TBC1D20: variants seen among roughly 807,000 people sequenced by gnomAD.
TBC1D20 encodes TBC1 domain family member 20.
A neutral mutation model predicts 41.6 loss-of-function variants in TBC1D20; 12 were observed. The ratio of observed to expected loss-of-function variants is 0.29; its 90% CI spans 0.18 to 0.47. The LOEUF (loss-of-function observed/expected upper bound fraction) is 0.47. TBC1D20 is among the 20% of genes least tolerant of loss of function. TBC1D20 has a pLI of 1.00. For missense variants in TBC1D20, 421 were observed against 517.4 expected, an observed-to-expected ratio of 0.81 and a Z score of 1.81; for synonymous variants, 205 against 204.8, an observed-to-expected ratio of 1.00 and a Z score of -0.01.
intron 1 of TBC1D20, among the ~76,000 whole-genome samples, chr20:452,141 T>C (rs928181509): frequency 6.6e-6 from 1 of 152,092 alleles, no homozygotes; most frequent in African/African-American, 2.4e-5. Context: ...ACCCCGTCTC[T>C]ACTAAAAATA....
intron 3 of TBC1D20, among the ~76,000 whole-genome samples, chr20:443,422 T>C (rs2017274903): frequency 6.6e-6 from 1 of 152,132 alleles, no homozygotes; most frequent in Non-Finnish European, 1.5e-5. Flanking sequence ...GTTAGAAGAA[T>C]GGCACATGCA....
In TBC1D20 at chr20:453,085, G is replaced by A. The variant is rs2017473129; in HGVS notation, c.71-5011C>T. On this transcript the variant is annotated intron_variant, in intron 1 of 7. Coordinates refer to ENST00000354200, the MANE Select transcript of TBC1D20 (RefSeq NM_144628.4). ...CGCTTGAACCCAGGGGGCGGAGATTGAGGTAAGCTGAGATTGCAGATCGCG... is the reference window on the plus strand; with the variant it reads ...CGCTTGAACCCAGGGGGCGGAGATTAAGGTAAGCTGAGATTGCAGATCGCG... 2.8e-5 allele frequency among the ~76,000 whole-genome samples: 4 copies of A among 144,982 alleles called. No individual in the cohort carries two copies. In the Admixed American group the frequency reaches 2.8e-4, roughly 10 times the overall value.
intron 7 of TBC1D20, 93 bp from the exon 8 acceptor site, chr20:438,934 T>C (rs1446996714): frequency 2.9e-5 from 44 of 1,525,342 alleles, no homozygotes; most frequent in Non-Finnish European, 3.3e-5. Context: ...GAGCCTTTCA[T>C]TGCTGGGAAA....
At chr20:448,449 G>C (rs946381835) in intron 1 of TBC1D20, among the ~76,000 whole-genome samples, 2 of 152,100 alleles carry the variant, frequency 1.3e-5, no homozygotes, top group African/African-American at 4.8e-5. Context: ...CCAGCACTTT[G>C]GGAGGCCGAG....
At chr20:450,055 G>A (rs775797004) in intron 1 of TBC1D20, among the ~76,000 whole-genome samples, 1 of 151,948 alleles carries the variant, frequency 6.6e-6, no homozygotes, top group Non-Finnish European at 1.5e-5. Flanking sequence ...AAAAATGCAT[G>A]TCACCAAAAC....
intron 2 of TBC1D20, 139 bp downstream of exon 2, chr20:447,750 G>C (rs2017363224): frequency 5.3e-6 from 3 of 571,292 alleles, no homozygotes; most frequent in Admixed American, 7.1e-5. Context: ...TTCAGAGTGG[G>C]CCCAAGCATT....
intron 1 of TBC1D20, among the ~76,000 whole-genome samples, chr20:456,096 A>G (rs1318111903): frequency 2.0e-5 from 3 of 152,158 alleles, no homozygotes; most frequent in Non-Finnish European, 2.9e-5. Flanking sequence ...AGCCTGCACA[A>G]CATGGCAAAA....
At position 453,540 on chromosome 20, in the gene TBC1D20, A is replaced by ATTT. The variant is rs1157479385; in HGVS notation, c.71-5469_71-5467dup. ...CGGTGGCTCGTGCCTGTAATCCAGC[A>ATTT]TTTTTTTTTTTTTTTTTTTTTTTGA... is the stretch of plus-strand genomic sequence containing the variant. On this transcript the variant is annotated intron_variant, in intron 1 of 7. Coordinates refer to ENST00000354200, the MANE Select transcript of TBC1D20 (RefSeq NM_144628.4). 2.2e-4 allele frequency among the ~76,000 whole-genome samples: 23 copies of ATTT among 105,800 alleles called. 1 individual carries two copies. The highest frequency in any genetic ancestry group is 3.4e-4 in the South Asian group (1 of 2,920). The allele number at this position is 105,800 out of a possible 152,430, so 69.4% of individuals were successfully genotyped here. A position where few individuals can be genotyped will look rare whatever the true frequency, so the allele number is the denominator to read the frequency against.
At chr20:451,053 C>T (rs561380454) in intron 1 of TBC1D20, among the ~76,000 whole-genome samples, 2 of 152,230 alleles carry the variant, frequency 1.3e-5, no homozygotes, top group African/African-American at 4.8e-5. Context: ...CAACACCAAA[C>T]GTCACAAGGC....
intron 3 of TBC1D20, 42 bp downstream of exon 3, chr20:445,002 AACAGAT>A: frequency 1.3e-6 from 2 of 1,532,224 alleles, no homozygotes; most frequent in Non-Finnish European, 1.8e-6. Context: ...TATGACCTGG[AACAGAT>A]ACAGTCTTTC....
chr20:452,226 G>C (rs577314375), intron 1 of TBC1D20, among the ~76,000 whole-genome samples: 3 of 152,306 alleles, frequency 2.0e-5, no homozygotes, highest in Non-Finnish European at 4.4e-5. Flanking sequence ...AGAATTGCTT[G>C]AACCCCGGTG....
At chr20:458,349 T>A (rs910420565) in intron 1 of TBC1D20, among the ~76,000 whole-genome samples, 3 of 151,592 alleles carry the variant, frequency 2.0e-5, no homozygotes, top group African/African-American at 7.3e-5. Flanking sequence ...GGTCTTACTC[T>A]GTCACCCAGG....
rs374303724 is a variant in TBC1D20, at chr20:439,130, C to T, written c.934G>A (p.Ala312Thr). ...FPPSELAREAAAQQQAERTAA... is the reference protein window; with the variant it reads ...FPPSELAREATAQQQAERTAA... ...CACCTCTCAGCTTGCTGTTGGGCAG[C>T]GGCCTCCCGAGCAAGTTCGGATGGG... Residue 312 changes from alanine (A) to threonine (T), a missense_variant, in exon 7 of 8, where the codon GCT (alanine) becomes ACT (threonine). Ala to Thr is a moderately conservative substitution (Grantham distance 58). Transcript: ENST00000354200. The surrounding 1 kb of genome is among the most constrained non-coding windows in gnomAD (Gnocchi z 4.6). 96 of 1,612,650 alleles carry T rather than the reference C, an allele frequency of 6.0e-5. No homozygotes were observed. The highest frequency in any genetic ancestry group is 3.3e-4 in the Middle Eastern group (2 of 6,076).
intron 1 of TBC1D20, among the ~76,000 whole-genome samples, 172 bp downstream of exon 1, chr20:462,164 C>A (rs1388197568): frequency 3.3e-5 from 5 of 152,090 alleles, no homozygotes; most frequent in African/African-American, 1.2e-4. Context: ...GTTCCAGGCC[C>A]TCTCCTCATC....
intron 7 of TBC1D20, 113 bp from the exon 8 acceptor site, chr20:438,954 G>T: frequency 6.8e-7 from 1 of 1,480,324 alleles, no homozygotes; most frequent in Non-Finnish European, 9.1e-7. Context: ...AGCTCTTTAT[G>T]ATAAAGACCC....
intron 2 of TBC1D20, among the ~76,000 whole-genome samples, chr20:447,232 T>C (rs1411967073): frequency 1.3e-5 from 2 of 150,308 alleles, no homozygotes. Context: ...AGTGCTGGGA[T>C]TACAGGCGTG....
chr20:459,705 A>T (rs979897578), intron 1 of TBC1D20, among the ~76,000 whole-genome samples: 7 of 152,192 alleles, frequency 4.6e-5, no homozygotes, highest in African/African-American at 1.7e-4. Flanking sequence ...GCACCACAGC[A>T]ATAGGTATAG....
intron 1 of TBC1D20, among the ~76,000 whole-genome samples, chr20:453,261 T>G (rs1458339352): frequency 1.7e-4 from 23 of 138,960 alleles, no homozygotes; most frequent in Admixed American, 4.6e-4. Context: ...TCATCTGAGG[T>G]CAGGAGTTCG....
Position 453,539 on chromosome 20 carries a change from C to CTTTTTTT in TBC1D20, c.71-5466_71-5465insAAAAAAA, listed in dbSNP as rs1198052752. On this transcript the variant is annotated intron_variant, in intron 1 of 7. Coordinates refer to ENST00000354200, the MANE Select transcript of TBC1D20 (RefSeq NM_144628.4). The stretch of plus-strand genomic sequence containing the variant: ...ACGGTGGCTCGTGCCTGTAATCCAG[C>CTTTTTTT]ATTTTTTTTTTTTTTTTTTTTTTTG... Among the ~76,000 whole-genome samples the CTTTTTTT allele has an allele frequency of 3.1e-4, 34 of 109,722 alleles. 5 individuals carry two copies. The highest frequency in any genetic ancestry group is 3.1e-4 in the Non-Finnish European group (18 of 58,058). 72.0% of individuals were successfully genotyped at this position (109,722 alleles called of 152,430 possible). A position where few individuals can be genotyped will look rare whatever the true frequency, so the allele number is the denominator to read the frequency against.
Sources: allele counts gnomAD v4.1 joint callset (sites outside exome capture counted in the v4.1 genomes callset), GRCh38; gene constraint gnomAD v4.1.1; non-coding constraint Gnocchi (gnomAD v3.1); transcripts MANE v1.5; gene names NCBI Gene and HGNC (gene_info 2026-07-23, HGNC 2026-07-21).